The following TBL1XR1 variants were observed in gnomAD, a reference collection of about 807,000 sequenced individuals.
The protein encoded by TBL1XR1 is F-box-like/WD repeat-containing protein TBL1XR1.
In TBL1XR1, 5 loss-of-function variants were observed where a neutral mutation model predicts 66.9. The ratio of observed to expected loss-of-function variants is 0.07; its 90% CI spans 0.04 to 0.16. TBL1XR1 has a LOEUF of 0.16. Ranked by LOEUF, TBL1XR1 falls within the 10% of genes least tolerant of loss-of-function variation. The pLI is 1.00. For missense variants in TBL1XR1, 238 were observed against 623.2 expected (o/e 0.38, Z 6.58); for synonymous variants, 210 against 206.0 (o/e 1.02, Z -0.17).
At chr3:177,047,215 T>C (rs1041923130) in intron 9 of TBL1XR1, 85 bp downstream of exon 9, 2 of 1,100,714 alleles carry the variant, frequency 1.8e-6, no homozygotes, top group Non-Finnish European at 2.6e-6. Context: ...TAGGAATGTT[T>C]ATGTAATTGG....
intron 1 of TBL1XR1, among the ~76,000 whole-genome samples, chr3:177,169,833 A>C (rs572614379): frequency 1.3e-5 from 2 of 152,210 alleles, no homozygotes; most frequent in African/African-American, 4.8e-5. Flanking sequence ...ATGACCACTT[A>C]CTTAAATCCT....
At chr3:177,038,776 C>A (rs1715164368) in intron 10 of TBL1XR1, among the ~76,000 whole-genome samples, 1 of 152,050 alleles carries the variant, frequency 6.6e-6, no homozygotes, top group Non-Finnish European at 1.5e-5. Flanking sequence ...CTTTTCATTT[C>A]TAAAATCTGT....
At chr3:177,165,782 C>T (rs935782032) in intron 1 of TBL1XR1, among the ~76,000 whole-genome samples, 2 of 152,174 alleles carry the variant, frequency 1.3e-5, no homozygotes, top group African/African-American at 2.4e-5. Flanking sequence ...AGCCCTCACA[C>T]TCTTCACAAA....
chr3:177,176,181 G>GT (rs1734124748), intron 1 of TBL1XR1, among the ~76,000 whole-genome samples: 1 of 151,828 alleles, frequency 6.6e-6, no homozygotes, highest in Non-Finnish European at 1.5e-5. Context: ...TTCAGAATAT[G>GT]TAACTTGTTA....
At chr3:177,074,450 C>T (rs1384291643) in intron 2 of TBL1XR1, among the ~76,000 whole-genome samples, 1 of 152,194 alleles carries the variant, frequency 6.6e-6, no homozygotes, top group Non-Finnish European at 1.5e-5. Flanking sequence ...TGTGAGTAAG[C>T]ACAGCTCTCC....
At chr3:177,186,367 A>AT (rs1163459417) in intron 1 of TBL1XR1, among the ~76,000 whole-genome samples, 1 of 152,186 alleles carries the variant, frequency 6.6e-6, no homozygotes, top group Non-Finnish European at 1.5e-5. Flanking sequence ...TAAAATCCTT[A>AT]TTTTTTATAA....
chr3:177,026,507 G>GT lies in TBL1XR1; in HGVS notation c.1417-34dup, dbSNP rs543430470. 1,725 of 1,450,388 alleles carry GT rather than the reference G, an allele frequency of 1.2e-3. 20 individuals carry two copies. In the East Asian group the frequency reaches 0.015, roughly 12 times the overall value. 89.8% of individuals were successfully genotyped at this position (1,450,388 alleles called of 1,614,324 possible). A position where few individuals can be genotyped will look rare whatever the true frequency, so the allele number is the denominator to read the frequency against. Reference sequence around the variant, plus strand: ...AATGAAAAACAAAATCTTAAAAATCGTAATACATATTATAATAAATCCAAA... The same window carrying GT: ...AATGAAAAACAAAATCTTAAAAATCGTTAATACATATTATAATAAATCCAAA... On this transcript the variant is annotated intron_variant, in intron 14 of 15. Transcript: ENST00000457928.
chr3:177,144,637 C>G (rs1361999805), intron 1 of TBL1XR1, among the ~76,000 whole-genome samples: 1 of 151,840 alleles, frequency 6.6e-6, no homozygotes, highest in Non-Finnish European at 1.5e-5. Context: ...GCCTGTAGTT[C>G]CAGCTACTCA....
At chr3:177,108,648 C>CA (rs900111281) in intron 1 of TBL1XR1, among the ~76,000 whole-genome samples, 2 of 151,738 alleles carry the variant, frequency 1.3e-5, no homozygotes, top group African/African-American at 4.8e-5. Context: ...TAAAAGGGAG[C>CA]AAAAAGGTTA....
In TBL1XR1 at chr3:177,115,641, G is replaced by C. The variant is rs115618840; in HGVS notation, c.-121-17100C>G. Among the ~76,000 whole-genome samples the C allele has an allele frequency of 8.2e-3, 1,244 of 152,100 alleles. 21 individuals are homozygous for C. Among genetic ancestry groups the C allele is most frequent in the African/African-American group, 0.028 (1,168 of 41,464 alleles). ...TTCCACTCTTTCCCCGCAACTTTGA[G>C]GTCTACAGCCCAAATTGTTTTTAAT... On this transcript the variant is annotated intron_variant, in intron 1 of 15. Transcript: ENST00000457928.
intron 1 of TBL1XR1, among the ~76,000 whole-genome samples, chr3:177,112,149 C>T (rs1269391838): frequency 8.8e-6 from 1 of 113,288 alleles, no homozygotes. Context: ...ACTCTGTTGC[C>T]GAGGCTGAAG....
At chr3:177,113,769 C>T (rs1009912576) in intron 1 of TBL1XR1, among the ~76,000 whole-genome samples, 11 of 152,048 alleles carry the variant, frequency 7.2e-5, no homozygotes, top group African/African-American at 2.2e-4. Context: ...AAAGAATGTT[C>T]GACATCACTA....
At chr3:177,168,209 A>G (rs1427257030) in intron 1 of TBL1XR1, among the ~76,000 whole-genome samples, 1 of 152,232 alleles carries the variant, frequency 6.6e-6, no homozygotes, top group Non-Finnish European at 1.5e-5. Flanking sequence ...TCATTTAGGT[A>G]CACAAAATTC....
chr3:177,069,793 AAAGGAAGGAAGGAAGGAAGGAAGG>A (rs201302557), intron 2 of TBL1XR1, among the ~76,000 whole-genome samples: 5,300 of 92,396 alleles, frequency 0.057, 184 homozygotes, highest in Admixed American at 0.11. Context: ...AAAAGGAAGG[AAAGGAAGGAAGGAAGGAAGGAAGG>A]AAGGAAGGAA....
intron 1 of TBL1XR1, among the ~76,000 whole-genome samples, chr3:177,150,229 T>G (rs1202934695): frequency 6.6e-6 from 1 of 152,174 alleles, no homozygotes; most frequent in Non-Finnish European, 1.5e-5. Context: ...TAAGGAAGAT[T>G]TTTTTAAATT....
chr3:177,101,128 A>G (rs1484321321), intron 1 of TBL1XR1, among the ~76,000 whole-genome samples: 4 of 152,014 alleles, frequency 2.6e-5, no homozygotes, highest in Non-Finnish European at 4.4e-5. Context: ...AACTGCTGGG[A>G]TTACAGGCGT....
chr3:177,057,787 C>G (rs1266171793), intron 3 of TBL1XR1, among the ~76,000 whole-genome samples: 1 of 152,084 alleles, frequency 6.6e-6, no homozygotes, highest in African/African-American at 2.4e-5. Context: ...CCTCTGTAAT[C>G]AAGTACTCTA....
intron 1 of TBL1XR1, among the ~76,000 whole-genome samples, chr3:177,152,668 G>C (rs975950113): frequency 3.3e-5 from 5 of 151,940 alleles, no homozygotes; most frequent in African/African-American, 1.2e-4. Flanking sequence ...TTGGTCCTAG[G>C]TTCTATATAT....
At chr3:177,155,813 C>G (rs1267393192) in intron 1 of TBL1XR1, among the ~76,000 whole-genome samples, 1 of 152,108 alleles carries the variant, frequency 6.6e-6, no homozygotes, top group Non-Finnish European at 1.5e-5. Context: ...AGTTCGAGAC[C>G]AGCCTGACCA....
Sources: allele counts gnomAD v4.1 joint callset (sites outside exome capture counted in the v4.1 genomes callset), GRCh38; gene constraint gnomAD v4.1.1; transcripts MANE v1.5; gene names NCBI Gene and HGNC (gene_info 2026-07-23, HGNC 2026-07-21).